CRY1: variants seen among roughly 807,000 people sequenced by gnomAD.
CRY1 encodes cryptochrome-1.
CRY1 carries 45 observed loss-of-function variants against 76.0 expected under a neutral mutation model. The observed-to-expected ratio is 0.59, with a 90% CI of 0.47 to 0.76. The LOEUF is 0.76. CRY1 is among the 30% of genes least tolerant of loss of function. CRY1 has a pLI of 0.00. For synonymous variants in CRY1, 248 were observed against 244.0 expected (o/e 1.02, Z -0.15); for missense variants, 587 against 716.4 (o/e 0.82, Z 2.06).
chr12:107,075,212 T>A (rs1953238121), intron 1 of CRY1, among the ~76,000 whole-genome samples: 1 of 152,172 alleles, frequency 6.6e-6, no homozygotes. Flanking sequence ...CCTATTCCAA[T>A]CAGTTAAAGT....
At chr12:107,064,034 A>T (rs1207202055) in intron 1 of CRY1, among the ~76,000 whole-genome samples, 1 of 151,426 alleles carries the variant, frequency 6.6e-6, no homozygotes, top group Non-Finnish European at 1.5e-5. Flanking sequence ...GAGTATACTT[A>T]TTTTTTTTTA....
At chr12:107,077,152 C>T (rs1953265488) in intron 1 of CRY1, among the ~76,000 whole-genome samples, 1 of 151,746 alleles carries the variant, frequency 6.6e-6, no homozygotes, top group East Asian at 1.9e-4. Flanking sequence ...CTCCCCAACA[C>T]ATACACACAA....
intron 1 of CRY1, chr12:107,050,149 GAGA>G (rs1259036473): frequency 1.3e-5 from 2 of 152,054 alleles, no homozygotes; most frequent in South Asian, 2.1e-4. Flanking sequence ...ATAATGGAAA[GAGA>G]AGAAGAAAAA....
At chr12:107,090,261 T>G (rs1446934977) in intron 1 of CRY1, among the ~76,000 whole-genome samples, 1 of 152,104 alleles carries the variant, frequency 6.6e-6, no homozygotes, top group African/African-American at 2.4e-5. Context: ...ATCTAATTTT[T>G]TTGTGTTTTT....
chr12:107,085,273 C>G (rs1628141), intron 1 of CRY1, among the ~76,000 whole-genome samples: 105,574 of 152,070 alleles, frequency 0.69, 37,481 homozygotes, highest in East Asian at 0.97. Flanking sequence ...CAAGGATCTA[C>G]AAACAGAAAT....
chr12:107,020,506 G>A (rs1356105949), intron 2 of CRY1, among the ~76,000 whole-genome samples: 1 of 150,568 alleles, frequency 6.6e-6, no homozygotes, highest in Non-Finnish European at 1.5e-5. Context: ...CTGATAGTGA[G>A]TGAGTGCTTG....
intron 1 of CRY1, among the ~76,000 whole-genome samples, chr12:107,061,422 G>C (rs1278230486): frequency 6.6e-6 from 1 of 151,152 alleles, no homozygotes; most frequent in Non-Finnish European, 1.5e-5. Context: ...GTCCAGGCTA[G>C]AGTACAGAGT....
Position 107,036,585 on chromosome 12 carries a change from G to GT in CRY1, c.159-14394dup, listed in dbSNP as rs61321189. Among the ~76,000 whole-genome samples the GT allele has an allele frequency of 4.7e-3, 654 of 138,836 alleles. 2 individuals are homozygous for GT. The highest frequency in any genetic ancestry group is 0.015 in the Middle Eastern group (4 of 268). 91.1% of individuals were successfully genotyped at this position (138,836 alleles called of 152,430 possible). A position where few individuals can be genotyped will look rare whatever the true frequency, so the allele number is the denominator to read the frequency against. On this transcript the variant is annotated intron_variant, in intron 1 of 12. Transcript: ENST00000008527. ...CTTCCCAGTCCATTTAAAGTTGGTG[G>GT]TTTTTTTTTTTTTTTAAGTCCTTAA...
chr12:106,992,965 C>T lies in CRY1; in HGVS notation c.1657G>A (p.Gly553Arg), dbSNP rs1458535897. The T allele has an allele frequency of 6.2e-7, 1 of 1,613,968 alleles. No individual in the cohort carries two copies. Among genetic ancestry groups the T allele is most frequent in the South Asian group, 1.1e-5 (1 of 91,068 alleles). ...GTATGCTCCAATGCTTCATTCTTAC[C>T]TTGCTTCAACAGGTGAGTTTGCTGA... ...DSQQTHLLKQ[G>R]RSSMGTGLSG... is the part of the protein sequence containing the mutation. Residue 553 changes from glycine to arginine, a missense_variant and splice_region_variant, in exon 11 of 13, where the codon GGA becomes AGA. By Grantham distance (125) the Gly-to-Arg change is moderately radical (BLOSUM62 -2). Coordinates refer to ENST00000008527, the MANE Select transcript of CRY1 (RefSeq NM_004075.5).
chr12:107,024,840 A>C (rs1343316490), intron 1 of CRY1, among the ~76,000 whole-genome samples: 1 of 152,258 alleles, frequency 6.6e-6, no homozygotes, highest in African/African-American at 2.4e-5. Context: ...CTTCTTCCAC[A>C]GATATAACTT....
intron 1 of CRY1, among the ~76,000 whole-genome samples, chr12:107,046,581 CTACAGAG>C (rs1187306393): frequency 6.6e-6 from 1 of 152,094 alleles, no homozygotes; most frequent in East Asian, 1.9e-4. Flanking sequence ...CACTAAAAAG[CTACAGAG>C]TAGCCAAATG....
chr12:107,038,677 G>C (rs1952764173), intron 1 of CRY1, among the ~76,000 whole-genome samples: 1 of 152,210 alleles, frequency 6.6e-6, no homozygotes, highest in Non-Finnish European at 1.5e-5. Flanking sequence ...TGATAGAATA[G>C]GAAGTCCTGG....
chr12:107,039,170 A>G (rs774328222), intron 1 of CRY1, among the ~76,000 whole-genome samples: 3 of 152,128 alleles, frequency 2.0e-5, no homozygotes, highest in Non-Finnish European at 4.4e-5. Flanking sequence ...CTTACACTAT[A>G]CACAAGAATC....
intron 1 of CRY1, among the ~76,000 whole-genome samples, chr12:107,026,393 G>A (rs1952616108): frequency 6.6e-6 from 1 of 150,788 alleles, no homozygotes; most frequent in South Asian, 2.1e-4. Flanking sequence ...TACCACCCTG[G>A]CTAATTATTT....
chr12:107,013,050 A>G (rs1406317437), intron 2 of CRY1, among the ~76,000 whole-genome samples: 3 of 152,232 alleles, frequency 2.0e-5, no homozygotes, highest in African/African-American at 7.2e-5. Context: ...AAATGATAAA[A>G]AAGGATTTAG....
chr12:107,046,480 A>G (rs2136870807), intron 1 of CRY1, among the ~76,000 whole-genome samples: 1 of 152,300 alleles, frequency 6.6e-6, no homozygotes, highest in South Asian at 2.1e-4. Context: ...GAAAGAAAGA[A>G]ACAAAGAATA....
At position 107,000,095 on chromosome 12, in the gene CRY1, A is replaced by G; in HGVS notation, c.685-13T>C. The G allele has an allele frequency of 6.3e-7, 1 of 1,579,006 alleles. No homozygotes were observed. Among genetic ancestry groups the G allele is most frequent in the Non-Finnish European group, 8.5e-7 (1 of 1,169,612 alleles). On this transcript the variant is annotated splice_polypyrimidine_tract_variant and intron_variant, in intron 5 of 12. Transcript: ENST00000008527. ...TTGCCACCCAAGCCTGAAAACACACAGAGAAAATTATATTAACTAATTGTC... is the reference window on the plus strand; with the variant it reads ...TTGCCACCCAAGCCTGAAAACACACGGAGAAAATTATATTAACTAATTGTC...
intron 1 of CRY1, among the ~76,000 whole-genome samples, chr12:107,067,650 C>A (rs1185948792): frequency 6.6e-6 from 1 of 151,950 alleles, no homozygotes; most frequent in African/African-American, 2.4e-5. Flanking sequence ...GGAAAAGAGG[C>A]CCTTCCATGA....
At chr12:107,057,943 G>A (rs1953003308) in intron 1 of CRY1, among the ~76,000 whole-genome samples, 1 of 151,414 alleles carries the variant, frequency 6.6e-6, no homozygotes, top group Admixed American at 6.6e-5. Flanking sequence ...ATGTGCCTGT[G>A]GTCCCAGTTA....
Sources: allele counts gnomAD v4.1 joint callset (sites outside exome capture counted in the v4.1 genomes callset), GRCh38; gene constraint gnomAD v4.1.1; transcripts MANE v1.5; gene names NCBI Gene and HGNC (gene_info 2026-07-23, HGNC 2026-07-21).